Variants in TRAPPC9 observed in about 807,000 individuals in gnomAD.
TRAPPC9 encodes the protein IKK2 binding protein.
A neutral mutation model predicts 124.0 loss-of-function variants in TRAPPC9; 83 were observed. The observed-to-expected ratio is 0.67, with a 90% CI of 0.56 to 0.80. The LOEUF (loss-of-function observed/expected upper bound fraction) is 0.80, where lower values mean the gene tolerates loss of function less well. Among genes scored for constraint, TRAPPC9 ranks in the 30% least tolerant of loss-of-function variants. The pLI is 0.00. For missense variants in TRAPPC9, 1,302 were observed against 1,508.3 expected, an observed-to-expected ratio of 0.86 and a Z score of 2.27; for synonymous variants, 638 against 617.5, an observed-to-expected ratio of 1.03 and a Z score of -0.49.
intron 21 of TRAPPC9, among the ~76,000 whole-genome samples, chr8:139,789,855 C>T (rs1412949811): frequency 6.6e-6 from 1 of 152,156 alleles, no homozygotes; most frequent in Non-Finnish European, 1.5e-5. Context: ...AGGACCGGTA[C>T]ATCCCTTCTG....
At position 139,930,836 on chromosome 8, in the gene TRAPPC9, G is replaced by A. The variant is rs534854470; in HGVS notation, c.2811-20536C>T. 3.4e-3 allele frequency among the ~76,000 whole-genome samples: 516 copies of A among 152,282 alleles called. 2 individuals carry two copies. Among genetic ancestry groups the A allele is most frequent in the African/African-American group, 0.011 (465 of 41,560 alleles). On this transcript the variant is annotated intron_variant, in intron 19 of 22. Coordinates refer to ENST00000438773, the MANE Select transcript of TRAPPC9 (RefSeq NM_001160372.4). ...AGGAGGCGAAAACGGGGCCACCCAA[G>A]GGTTATGAGGATGAAATCACGACGA...
At chr8:139,831,284 G>A (rs1271423095) in intron 21 of TRAPPC9, among the ~76,000 whole-genome samples, 1 of 152,152 alleles carries the variant, frequency 6.6e-6, no homozygotes, top group Non-Finnish European at 1.5e-5. Flanking sequence ...CAGACTCTGA[G>A]GAGGATCTGC....
In TRAPPC9 at chr8:139,885,896, A is replaced by G. The variant is rs370166962; in HGVS notation, c.3038T>C (p.Leu1013Pro). Residue 1013 changes from leucine to proline, a missense_variant, in exon 21 of 23, where the codon CTG (leucine) becomes CCG (proline). Leu to Pro is a moderately conservative substitution (Grantham distance 98). This residue lies in a region of TRAPPC9 where 640 missense variants were observed against 679.3 expected (regional missense o/e 0.94). Transcript: ENST00000438773. The part of the protein sequence containing the change: ...LNQLVLEHLQ[L>P]APLQWDVLVD... ...GTACTCACCCCACTGCAGAGGCGCC[A>G]GCTGCAGGTGCTCCAGGACGAGCTG... The G allele has an allele frequency of 1.3e-6, 2 of 1,567,044 alleles. No individual in the cohort carries two copies. Among genetic ancestry groups the G allele is most frequent in the South Asian group, 2.4e-5 (2 of 85,018 alleles).
intron 17 of TRAPPC9, among the ~76,000 whole-genome samples, chr8:140,184,301 AG>A (rs2062301606): frequency 6.6e-6 from 1 of 152,228 alleles, no homozygotes; most frequent in Admixed American, 6.5e-5. Flanking sequence ...GCAACACACA[AG>A]GAAAAAAAAA....
Position 139,729,298 on chromosome 8 carries a change from G to A in TRAPPC9, c.*1763C>T, listed in dbSNP as rs1817691597. The stretch of plus-strand genomic sequence containing the variant: ...GGCTGAGCCCATCATCCTGCAATGT[G>A]TTGTTTCATTCAATGGCGTATTTTT... On this transcript the variant is annotated 3_prime_UTR_variant, in exon 23 of 23. Transcript: ENST00000438773. 6.6e-6 allele frequency among the ~76,000 whole-genome samples: 1 copy of A among 152,266 alleles called. No homozygotes were observed. Among genetic ancestry groups the A allele is most frequent in the Admixed American group, 6.5e-5 (1 of 15,292 alleles).
chr8:139,755,629 C>T (rs55983701), intron 21 of TRAPPC9, among the ~76,000 whole-genome samples: 1 of 119,400 alleles, frequency 8.4e-6, no homozygotes, highest in East Asian at 2.6e-4. Context: ...ATAAGGACAG[C>T]AGGTCGCAGG....
intron 17 of TRAPPC9, among the ~76,000 whole-genome samples, chr8:140,157,860 C>CACATATATA (rs1198811734): frequency 2.6e-5 from 4 of 152,154 alleles, no homozygotes; most frequent in Non-Finnish European, 5.9e-5. Flanking sequence ...TTTTTCTGTG[C>CACATATATA]ACATATATAT....
intron 11 of TRAPPC9, among the ~76,000 whole-genome samples, chr8:140,294,471 T>C (rs1269444971): frequency 6.6e-6 from 1 of 152,154 alleles, no homozygotes; most frequent in Non-Finnish European, 1.5e-5. Flanking sequence ...ATGGTCATGA[T>C]GATGATGATG....
At chr8:140,191,068 C>T (rs1369219520) in intron 17 of TRAPPC9, among the ~76,000 whole-genome samples, 1 of 152,138 alleles carries the variant, frequency 6.6e-6, no homozygotes, top group Non-Finnish European at 1.5e-5. Context: ...GTTACAATAG[C>T]CTCTACAATG....
intron 21 of TRAPPC9, among the ~76,000 whole-genome samples, chr8:139,773,365 G>A (rs1173037737): frequency 8.5e-5 from 13 of 152,336 alleles, no homozygotes; most frequent in African/African-American, 2.6e-4. Flanking sequence ...CAGAGGCCCC[G>A]GCTACATTCC....
At chr8:140,423,606 A>ACACACACAT (rs763169763) in intron 5 of TRAPPC9, among the ~76,000 whole-genome samples, 48 of 151,752 alleles carry the variant, frequency 3.2e-4, no homozygotes, top group African/African-American at 1.1e-3. Context: ...ACACACACAC[A>ACACACACAT]CACATCACAT....
At position 139,907,835 on chromosome 8, in the gene TRAPPC9, C is replaced by T. The variant is rs1831455970; in HGVS notation, c.2964+2312G>A. Among the ~76,000 whole-genome samples the T allele has an allele frequency of 6.6e-6, 1 of 152,240 alleles. No homozygotes were observed. Among genetic ancestry groups the T allele is most frequent in the South Asian group, 2.1e-4 (1 of 4,834 alleles). On this transcript the variant is annotated intron_variant, in intron 20 of 22. Coordinates refer to ENST00000438773, the MANE Select transcript of TRAPPC9 (RefSeq NM_001160372.4). The surrounding 1 kb of genome is among the most constrained non-coding windows in gnomAD (Gnocchi z 4.7). ...ACGCAAGAGTTCTGTGGGCCACTAT[C>T]ATCCCATTAGAAGGCAGCATGTGCT...
At chr8:140,203,606 G>A (rs1156827547) in intron 17 of TRAPPC9, among the ~76,000 whole-genome samples, 4 of 152,174 alleles carry the variant, frequency 2.6e-5, no homozygotes, top group South Asian at 4.1e-4. Flanking sequence ...CAGGAAGTAA[G>A]ATGTGAAAAT....
chr8:139,921,805 A>G (rs923840296), intron 19 of TRAPPC9, among the ~76,000 whole-genome samples: 2 of 152,128 alleles, frequency 1.3e-5, no homozygotes, highest in African/African-American at 4.8e-5. Flanking sequence ...ATTCAGGTGC[A>G]CACCTGCCCC....
intron 21 of TRAPPC9, among the ~76,000 whole-genome samples, chr8:139,792,598 C>A (rs1231885041): frequency 6.6e-6 from 1 of 152,184 alleles, no homozygotes; most frequent in Non-Finnish European, 1.5e-5. Flanking sequence ...GAGCCAGGGC[C>A]ACCAGCCTAG....
chr8:139,961,615 G>A lies in TRAPPC9; in HGVS notation c.2810+27111C>T, dbSNP rs903401065. 2.2e-4 allele frequency among the ~76,000 whole-genome samples: 27 copies of A among 123,592 alleles called. 5 individuals carry two copies. In the South Asian group the frequency reaches 2.7e-3, roughly 12 times the overall value. 81.1% of individuals were successfully genotyped at this position (123,592 alleles called of 152,430 possible). The stretch of plus-strand genomic sequence containing the variant: ...ATCCTCCCAGGTGCAGGACCTGGGC[G>A]TTTCTGCAGCCTGTAGCCTGCACCC... On this transcript the variant is annotated intron_variant, in intron 19 of 22. Transcript: ENST00000438773.
chr8:140,139,451 T>C lies in TRAPPC9; in HGVS notation c.2556+82008A>G, dbSNP rs111313501. 9.9e-3 allele frequency among the ~76,000 whole-genome samples: 1,500 copies of C among 152,280 alleles called. 22 individuals are homozygous for C. Among genetic ancestry groups the C allele is most frequent in the African/African-American group, 0.033 (1,382 of 41,548 alleles). On this transcript the variant is annotated intron_variant, in intron 17 of 22. Transcript: ENST00000438773. ...GGGGGTTATACCCAACAGAACGATG[T>C]GAATACGTGCACCAAAAAGACACAG... is the stretch of plus-strand genomic sequence containing the variant.
At chr8:139,919,881 G>T (rs1010618283) in intron 19 of TRAPPC9, among the ~76,000 whole-genome samples, 1 of 152,296 alleles carries the variant, frequency 6.6e-6, no homozygotes, top group East Asian at 1.9e-4. Flanking sequence ...TTCATGACCC[G>T]CTCAGACTCC....
At chr8:139,761,540 C>T (rs1010464822) in intron 21 of TRAPPC9, among the ~76,000 whole-genome samples, 4 of 152,156 alleles carry the variant, frequency 2.6e-5, no homozygotes, top group Non-Finnish European at 4.4e-5. Flanking sequence ...CCTCCCAACC[C>T]CACACCCTGC....
Sources: allele counts gnomAD v4.1 joint callset (sites outside exome capture counted in the v4.1 genomes callset), GRCh38; gene constraint gnomAD v4.1.1; regional missense constraint gnomAD v4.1.1; non-coding constraint Gnocchi (gnomAD v3.1); transcripts MANE v1.5; gene names NCBI Gene and HGNC (gene_info 2026-07-23, HGNC 2026-07-21).